Variants in CSMD1 observed in about 807,000 individuals in gnomAD.
CSMD1 encodes CUB and sushi domain-containing protein 1.
In CSMD1, 213 loss-of-function variants were observed where a neutral mutation model predicts 417.5. The observed-to-expected ratio is 0.51, with a 90% CI of 0.46 to 0.57. The LOEUF (loss-of-function observed/expected upper bound fraction) is 0.57. CSMD1 is among the 20% of genes least tolerant of loss of function. The pLI, the probability that CSMD1 is intolerant of heterozygous loss-of-function variation, is 0.00. For missense variants in CSMD1, 6,923 were observed against 4,529.7 expected (o/e 1.53, Z -15.17); for synonymous variants, 2,862 against 1,736.8 (o/e 1.65, Z -16.11).
At chr8:3,941,051 A>C (rs1264036810) in intron 5 of CSMD1, among the ~76,000 whole-genome samples, 5 of 152,068 alleles carry the variant, frequency 3.3e-5, no homozygotes, top group African/African-American at 7.2e-5. Flanking sequence ...ACATTCATAT[A>C]ATCAAATTGG....
Position 4,456,417 on chromosome 8 carries a change from GA to G in CSMD1, c.303-36353del, listed in dbSNP as rs371609498. On this transcript the variant is annotated intron_variant, in intron 2 of 69. Coordinates refer to ENST00000635120, the MANE Select transcript of CSMD1 (RefSeq NM_033225.6). ...TCAAAGACAAGATATCGACTTCTTA[GA>G]AAAAAAGTATTTTTAATTGCTGTTA... Among the ~76,000 whole-genome samples, 187 of 152,062 alleles carry G rather than the reference GA, an allele frequency of 1.2e-3. 1 individual carries two copies. Among genetic ancestry groups the G allele is most frequent in the African/African-American group, 4.2e-3 (174 of 41,506 alleles).
intron 7 of CSMD1, among the ~76,000 whole-genome samples, chr8:3,621,085 G>C (rs143248021): frequency 5.4e-4 from 82 of 152,290 alleles, no homozygotes; most frequent in Non-Finnish European, 9.6e-4. Flanking sequence ...CACAAGAAGA[G>C]AGTCATCCAC....
At chr8:4,070,776 T>G (rs1190848696) in intron 3 of CSMD1, among the ~76,000 whole-genome samples, 2 of 152,184 alleles carry the variant, frequency 1.3e-5, no homozygotes, top group Non-Finnish European at 2.9e-5. Flanking sequence ...ACTGACACCC[T>G]CTCATAAGCT....
At chr8:3,470,895 T>C (rs1332968674) in intron 11 of CSMD1, among the ~76,000 whole-genome samples, 1 of 152,222 alleles carries the variant, frequency 6.6e-6, no homozygotes, top group Non-Finnish European at 1.5e-5. Context: ...GTTGTGGATA[T>C]ACCACAGCTT....
chr8:3,920,994 T>G (rs1426058217), intron 5 of CSMD1, among the ~76,000 whole-genome samples: 1 of 152,188 alleles, frequency 6.6e-6, no homozygotes, highest in South Asian at 2.1e-4. Flanking sequence ...AAAATAAGTT[T>G]GAAAATGTTT....
At chr8:4,056,281 C>A (rs1048482312) in intron 3 of CSMD1, among the ~76,000 whole-genome samples, 2 of 151,700 alleles carry the variant, frequency 1.3e-5, no homozygotes, top group African/African-American at 4.8e-5. Flanking sequence ...TGGAGTTTCA[C>A]CATGTTGGCC....
At chr8:3,889,553 GTGTGTC>G (rs1172202631) in intron 5 of CSMD1, among the ~76,000 whole-genome samples, 59 of 85,338 alleles carry the variant, frequency 6.9e-4, no homozygotes, top group Non-Finnish European at 1.3e-3. Flanking sequence ...ATGTGTATAT[GTGTGTC>G]TGTGTGTGTG....
rs1198893373 is a variant in CSMD1 at position 3,607,663 on chromosome 8, C to T, written c.1097+9047G>A. The stretch of plus-strand genomic sequence containing the variant: ...ATCATATATGCAGTCCATTGTTAGG[C>T]AGTGTATGACTGGATATTCTATTTA... On this transcript the variant is annotated intron_variant, in intron 8 of 69. Transcript: ENST00000635120. 3.3e-5 allele frequency among the ~76,000 whole-genome samples: 5 copies of T among 152,168 alleles called. No individual in the cohort carries two copies. In the East Asian group the frequency reaches 9.6e-4, roughly 29 times the overall value.
chr8:3,687,684 C>T (rs1800008060), intron 7 of CSMD1, among the ~76,000 whole-genome samples: 2 of 152,184 alleles, frequency 1.3e-5, no homozygotes, highest in Admixed American at 6.5e-5. Context: ...GCTCCCTGAG[C>T]CCCACCGTGC....
At chr8:4,727,118 C>A (rs933504428) in intron 1 of CSMD1, among the ~76,000 whole-genome samples, 1 of 152,088 alleles carries the variant, frequency 6.6e-6, no homozygotes, top group African/African-American at 2.4e-5. Flanking sequence ...GGCCCTTCTG[C>A]AGCTGAATGT....
At chr8:3,148,217 C>A (rs978952991) in intron 40 of CSMD1, among the ~76,000 whole-genome samples, 1 of 152,136 alleles carries the variant, frequency 6.6e-6, no homozygotes, top group African/African-American at 2.4e-5. Flanking sequence ...CTGCTATATT[C>A]CCATTTTGTT....
At position 4,924,632 on chromosome 8, in the gene CSMD1, G is replaced by T. The variant is rs1028827846; in HGVS notation, c.85+69700C>A. ...AGCTACTCAGGAGGCTGAGACAAGAGAATTACTTGAAACTGGGAGGTGGAG... is the reference window on the plus strand; with the variant it reads ...AGCTACTCAGGAGGCTGAGACAAGATAATTACTTGAAACTGGGAGGTGGAG... On this transcript the variant is annotated intron_variant, in intron 1 of 69. Coordinates refer to ENST00000635120, the MANE Select transcript of CSMD1 (RefSeq NM_033225.6). Among the ~76,000 whole-genome samples the T allele has an allele frequency of 9.2e-5, 12 of 129,986 alleles. 1 individual carries two copies. The East Asian group carries it at 3.1e-3, about 34-fold the overall frequency. 85.3% of individuals were successfully genotyped at this position (129,986 alleles called of 152,430 possible).
At chr8:3,275,651 C>T (rs1802227357) in intron 26 of CSMD1, among the ~76,000 whole-genome samples, 1 of 152,238 alleles carries the variant, frequency 6.6e-6, no homozygotes, top group East Asian at 1.9e-4. Flanking sequence ...TTTCTCTAAA[C>T]TTCCCTTCTC....
intron 1 of CSMD1, among the ~76,000 whole-genome samples, chr8:4,831,550 C>T (rs1199915882): frequency 6.6e-6 from 1 of 151,948 alleles, no homozygotes; most frequent in East Asian, 1.9e-4. Context: ...TAATGTGTCT[C>T]CAAGGGTTTA....
chr8:3,556,146 A>C (rs1196366616), intron 10 of CSMD1, among the ~76,000 whole-genome samples: 2 of 152,074 alleles, frequency 1.3e-5, no homozygotes, highest in South Asian at 2.1e-4. Context: ...GGAACTATTC[A>C]GAATCATCAA....
intron 7 of CSMD1, among the ~76,000 whole-genome samples, chr8:3,648,864 T>A (rs1025153565): frequency 6.6e-6 from 1 of 152,212 alleles, no homozygotes; most frequent in African/African-American, 2.4e-5. Flanking sequence ...CAAGTGTGAC[T>A]CAGTTCAGCA....
intron 2 of CSMD1, among the ~76,000 whole-genome samples, chr8:4,471,393 A>G (rs767229181): frequency 3.3e-5 from 5 of 152,174 alleles, no homozygotes; most frequent in African/African-American, 4.8e-5. Context: ...TACTATTTTG[A>G]CAAGGTTCCT....
At chr8:4,909,852 C>G (rs1192017158) in intron 1 of CSMD1, among the ~76,000 whole-genome samples, 1 of 152,172 alleles carries the variant, frequency 6.6e-6, no homozygotes, top group Non-Finnish European at 1.5e-5. Flanking sequence ...CCTCAGTTCT[C>G]TGATGGGTTC....
At chr8:3,397,218 G>A (rs111956322) in intron 16 of CSMD1, among the ~76,000 whole-genome samples, 162 of 152,214 alleles carry the variant, frequency 1.1e-3, no homozygotes, top group African/African-American at 3.5e-3. Context: ...CAGCTTAAGC[G>A]TCATAAGACT....
Sources: allele counts gnomAD v4.1 joint callset (sites outside exome capture counted in the v4.1 genomes callset), GRCh38; gene constraint gnomAD v4.1.1; transcripts MANE v1.5; gene names NCBI Gene and HGNC (gene_info 2026-07-23, HGNC 2026-07-21).